DCLRE1C: variants seen among roughly 807,000 people sequenced by gnomAD.
DCLRE1C encodes the protein protein artemis.
In DCLRE1C, 47 loss-of-function variants were observed where a neutral mutation model predicts 61.4. That is an observed-to-expected ratio of 0.77 (90% CI 0.61 to 0.98). The LOEUF is 0.98. DCLRE1C is among the 50% of genes least tolerant of loss of function. DCLRE1C has a pLI of 0.00. For missense variants in DCLRE1C, 858 were observed against 816.0 expected (o/e 1.05, Z -0.63); for synonymous variants, 337 against 287.6 (o/e 1.17, Z -1.74).
At chr10:14,899,418 G>T in intron 13 of DCLRE1C, 1 of 1,060,336 alleles carries the variant, frequency 9.4e-7, no homozygotes, top group Non-Finnish European at 1.4e-6. Flanking sequence ...TGTTTGCTTT[G>T]ATGACACCTG....
chr10:14,943,517 T>C (rs192694609), intron 3 of DCLRE1C, among the ~76,000 whole-genome samples: 137 of 152,298 alleles, frequency 9.0e-4, no homozygotes, highest in Non-Finnish European at 1.6e-3. Context: ...GTTTTATCTA[T>C]GTCTCTTATA....
chr10:14,951,535 C>G (rs1842467688), intron 1 of DCLRE1C, among the ~76,000 whole-genome samples: 1 of 151,904 alleles, frequency 6.6e-6, no homozygotes, highest in Non-Finnish European at 1.5e-5. Flanking sequence ...GGCCTTCACA[C>G]CAGCGCTGTA....
At chr10:14,945,292 C>T in intron 2 of DCLRE1C, 103 bp from the exon 3 acceptor site, 1 of 1,406,802 alleles carries the variant, frequency 7.1e-7, no homozygotes, top group South Asian at 1.3e-5. Context: ...CATTTGAGAC[C>T]AGTCTGACCA....
chr10:14,949,505 C>A (rs779466149), intron 1 of DCLRE1C, among the ~76,000 whole-genome samples: 1 of 152,214 alleles, frequency 6.6e-6, no homozygotes, highest in African/African-American at 2.4e-5. Flanking sequence ...GTCATGGAGT[C>A]TGCTGGGAAA....
At chr10:14,939,255 G>A (rs1001413915) in intron 4 of DCLRE1C, among the ~76,000 whole-genome samples, 13 of 152,034 alleles carry the variant, frequency 8.6e-5, no homozygotes, top group Non-Finnish European at 1.5e-4. Flanking sequence ...TGACCAACAT[G>A]GTGAAACCCC....
chr10:14,918,340 T>C (rs1249486238), intron 13 of DCLRE1C, among the ~76,000 whole-genome samples: 1 of 152,244 alleles, frequency 6.6e-6, no homozygotes, highest in Non-Finnish European at 1.5e-5. Context: ...ACAACATGAA[T>C]GAATCTCTGA....
At chr10:14,904,592 A>G (rs1834240540), downstream of DCLRE1C, among the ~76,000 whole-genome samples, 2 of 152,174 alleles carry the variant, frequency 1.3e-5, no homozygotes, top group Admixed American at 1.3e-4. Flanking sequence ...AAAGAAAAAA[A>G]GACTATTTTC....
At chr10:14,919,644 C>T (rs938653929) in intron 13 of DCLRE1C, 94 bp downstream of exon 13, 3 of 966,124 alleles carry the variant, frequency 3.1e-6, no homozygotes, top group East Asian at 4.8e-5. Context: ...CCCAGGTCCA[C>T]TCTGCCCAAG....
intron 11 of DCLRE1C, among the ~76,000 whole-genome samples, chr10:14,925,507 G>C (rs895833382): frequency 2.0e-5 from 3 of 152,126 alleles, no homozygotes; most frequent in African/African-American, 7.2e-5. Context: ...GGAAAATACA[G>C]GGTTCCTGCC....
At chr10:14,939,917 T>G (rs752651370) in intron 3 of DCLRE1C, 48 bp from the exon 4 acceptor site, 2 of 1,409,892 alleles carry the variant, frequency 1.4e-6, no homozygotes, top group Non-Finnish European at 2.0e-6. Context: ...TTTTCATGGC[T>G]TTATATGCCT....
At position 14,908,402 on chromosome 10, in the gene DCLRE1C, G is replaced by C. The variant is rs1244865685; in HGVS notation, c.*6C>G. 1 of 1,604,904 alleles carries C rather than the reference G, an allele frequency of 6.2e-7. No individual in the cohort carries two copies. Among genetic ancestry groups the C allele is most frequent in the African/African-American group, 1.3e-5 (1 of 74,700 alleles). ...TGGTTGCTCTAGGTTGAAACGCTTT[G>C]AATTCTTAGGTATCTAAGAGTGAGC... is the stretch of plus-strand genomic sequence containing the variant. On this transcript the variant is annotated 3_prime_UTR_variant, in exon 14 of 14. Transcript: ENST00000378278.
chr10:14,922,748 A>G (rs934356121), intron 12 of DCLRE1C, among the ~76,000 whole-genome samples: 2 of 152,192 alleles, frequency 1.3e-5, no homozygotes, highest in African/African-American at 4.8e-5. Flanking sequence ...CACTGTTAGT[A>G]AGTGGCGGAG....
chr10:14,941,132 C>A (rs12412764), intron 3 of DCLRE1C, among the ~76,000 whole-genome samples: 60,721 of 147,724 alleles, frequency 0.41, 9,695 homozygotes, highest in East Asian at 0.51. Context: ...TCCACCTCAG[C>A]CTCCCAAAGT....
intron 9 of DCLRE1C, among the ~76,000 whole-genome samples, chr10:14,930,442 GT>G (rs372880477): frequency 2.1e-5 from 3 of 145,370 alleles, no homozygotes; most frequent in African/African-American, 5.2e-5. Flanking sequence ...GGTTTTGTTT[GT>G]TTTTTTTGAG....
At chr10:14,937,973 G>A (rs978925942) in intron 4 of DCLRE1C, among the ~76,000 whole-genome samples, 11 of 151,752 alleles carry the variant, frequency 7.2e-5, no homozygotes, top group African/African-American at 2.7e-4. Context: ...ATACTGTTCG[G>A]CAAGGGCAAG....
intron 4 of DCLRE1C, among the ~76,000 whole-genome samples, chr10:14,937,148 G>A (rs1255506382): frequency 6.6e-6 from 1 of 152,068 alleles, no homozygotes; most frequent in Non-Finnish European, 1.5e-5. Context: ...CGGGGGTTGG[G>A]GAAGGAGAGA....
Position 14,934,372 on chromosome 10 carries a change from C to T in DCLRE1C, c.678+8G>A, listed in dbSNP as rs920315432. ...AAAAGAAAAGAAAAGAATGAACAGTCACCATACCTGGACTCCTAATTCTTC... is the reference window on the plus strand; with the variant it reads ...AAAAGAAAAGAAAAGAATGAACAGTTACCATACCTGGACTCCTAATTCTTC... On this transcript the variant is annotated splice_region_variant and intron_variant, in intron 8 of 13. Transcript: ENST00000378278. 2.6e-5 allele frequency: 42 copies of T among 1,613,264 alleles called. No homozygotes were observed. Among genetic ancestry groups the T allele is most frequent in the Middle Eastern group, 1.6e-4 (1 of 6,080 alleles).
chr10:14,939,023 G>A (rs1411937936), intron 4 of DCLRE1C, among the ~76,000 whole-genome samples: 1 of 152,206 alleles, frequency 6.6e-6, no homozygotes, highest in East Asian at 1.9e-4. Flanking sequence ...CTTTTGGGAG[G>A]TGATTAGTTA....
At chr10:14,918,184 G>A (rs935573261) in intron 13 of DCLRE1C, among the ~76,000 whole-genome samples, 5 of 152,116 alleles carry the variant, frequency 3.3e-5, no homozygotes, top group Admixed American at 1.3e-4. Flanking sequence ...GTACATGAAT[G>A]TTCATGGCAG....
Sources: gnomAD v4.1 joint callset for allele counts (sites outside exome capture counted in the v4.1 genomes callset) on GRCh38, gnomAD v4.1.1 for gene constraint, MANE v1.5 for transcripts, NCBI Gene and HGNC (gene_info 2026-07-23, HGNC 2026-07-21) for gene names.